The following TYW1 variants were observed in gnomAD, a reference collection of about 807,000 sequenced individuals.
TYW1 encodes tRNA-yW synthesizing protein 1 homolog.
Under a neutral mutation model 96.2 loss-of-function variants are expected in TYW1, and 46 were observed. That is an observed-to-expected ratio of 0.48 (90% CI 0.38 to 0.61). The LOEUF is 0.61. Among genes scored for constraint, TYW1 ranks in the 20% least tolerant of loss-of-function variants. TYW1 has a pLI of 0.00. For synonymous variants in TYW1, 274 were observed against 323.0 expected, an observed-to-expected ratio of 0.85 and a Z score of 1.63; for missense variants, 684 against 909.6, an observed-to-expected ratio of 0.75 and a Z score of 3.19.
intron 15 of TYW1, among the ~76,000 whole-genome samples, chr7:67,229,953 A>AAAAC (rs756238498): frequency 3.4e-5 from 5 of 144,944 alleles, no homozygotes; most frequent in Non-Finnish European, 6.2e-5. Context: ...CCCTGTCTCT[A>AAAAC]AAACAAAACA....
intron 7 of TYW1, among the ~76,000 whole-genome samples, chr7:67,035,940 G>A (rs1454021561): frequency 1.3e-5 from 2 of 151,036 alleles, no homozygotes; most frequent in East Asian, 1.9e-4. Context: ...GCCTCCCAAA[G>A]TGCTGGGATT....
intron 13 of TYW1, among the ~76,000 whole-genome samples, chr7:67,143,561 G>C (rs566850340): frequency 6.6e-6 from 1 of 152,330 alleles, no homozygotes; most frequent in Non-Finnish European, 1.5e-5. Flanking sequence ...GAAGCAGGCA[G>C]AGTTTGGCGA....
At chr7:67,134,435 A>G (rs199807896) in intron 13 of TYW1, among the ~76,000 whole-genome samples, 2 of 151,828 alleles carry the variant, frequency 1.3e-5, no homozygotes, top group African/African-American at 4.8e-5. Flanking sequence ...TCAGCTACTC[A>G]GGAGGCTGAG....
At chr7:67,186,139 AT>A (rs1255233205) in intron 14 of TYW1, among the ~76,000 whole-genome samples, 2 of 145,266 alleles carry the variant, frequency 1.4e-5, no homozygotes. Context: ...AACATCAGAG[AT>A]TAGTGGTGTT....
At chr7:67,018,977 A>AAAAAAAAAAAC (rs1562968206) in intron 6 of TYW1, among the ~76,000 whole-genome samples, 2 of 100,482 alleles carry the variant, frequency 2.0e-5, no homozygotes, top group Non-Finnish European at 2.2e-5. Flanking sequence ...AAAAAAAGAA[A>AAAAAAAAAAAC]AAAACAAAAT....
intron 15 of TYW1, among the ~76,000 whole-genome samples, chr7:67,206,138 G>T (rs1584694445): frequency 1.3e-5 from 2 of 152,266 alleles, no homozygotes; most frequent in South Asian, 2.1e-4. Flanking sequence ...TTTGATATTG[G>T]TAGATTATTT....
At chr7:67,146,654 C>T (rs906462243) in intron 13 of TYW1, among the ~76,000 whole-genome samples, 9 of 152,268 alleles carry the variant, frequency 5.9e-5, no homozygotes, top group South Asian at 4.1e-4. Flanking sequence ...TATTGTATAA[C>T]AATATTCAGA....
intron 15 of TYW1, among the ~76,000 whole-genome samples, chr7:67,206,802 A>G (rs1484970578): frequency 6.6e-6 from 1 of 152,126 alleles, no homozygotes; most frequent in Non-Finnish European, 1.5e-5. Context: ...ACTACTCAAC[A>G]TCTTCCTTGT....
At chr7:67,152,389 T>G (rs1040756305) in intron 13 of TYW1, among the ~76,000 whole-genome samples, 4 of 152,174 alleles carry the variant, frequency 2.6e-5, no homozygotes, top group East Asian at 1.9e-4. Context: ...ACCATCAGTT[T>G]CCTCTTGAAA....
chr7:67,168,400 A>G (rs921593617), intron 13 of TYW1, among the ~76,000 whole-genome samples: 2 of 152,146 alleles, frequency 1.3e-5, no homozygotes, highest in Non-Finnish European at 2.9e-5. Flanking sequence ...AAGTTTTAAT[A>G]TCAGTATTAT....
At chr7:67,142,895 C>T (rs1445755613) in intron 13 of TYW1, among the ~76,000 whole-genome samples, 1 of 151,738 alleles carries the variant, frequency 6.6e-6, no homozygotes, top group Non-Finnish European at 1.5e-5. Context: ...CTACTAAAAA[C>T]ACAAAAAATT....
At chr7:67,202,868 G>A (rs1158166049) in intron 15 of TYW1, among the ~76,000 whole-genome samples, 1 of 152,112 alleles carries the variant, frequency 6.6e-6, no homozygotes, top group Non-Finnish European at 1.5e-5. Context: ...CTGCAAAATG[G>A]TACAGAAAGG....
intron 7 of TYW1, among the ~76,000 whole-genome samples, chr7:67,036,839 C>T (rs1461653193): frequency 6.6e-6 from 1 of 152,232 alleles, no homozygotes; most frequent in Non-Finnish European, 1.5e-5. Flanking sequence ...TGTACAGGGT[C>T]TGGCAGCCAA....
rs1375789813 is a variant in TYW1 at position 67,025,041 on chromosome 7, A to G, written c.984+19A>G. On this transcript the variant is annotated intron_variant, in intron 7 of 15. Coordinates refer to ENST00000359626, the MANE Select transcript of TYW1 (RefSeq NM_018264.4). ...AGAAAAGGTACCGTTACTTTGGGAA[A>G]TGTTGCACTTGGCTCCCGCAGTTGG... 1.2e-6 allele frequency: 2 copies of G among 1,613,296 alleles called. No individual in the cohort carries two copies. Among genetic ancestry groups the G allele is most frequent in the Non-Finnish European group, 1.7e-6 (2 of 1,179,574 alleles).
intron 9 of TYW1, among the ~76,000 whole-genome samples, chr7:67,061,918 A>T (rs1795708168): frequency 6.6e-6 from 1 of 152,174 alleles, no homozygotes. Context: ...CAAACACATC[A>T]TCGTCATTAA....
At chr7:67,127,140 T>G (rs1797934138) in intron 13 of TYW1, among the ~76,000 whole-genome samples, 1 of 151,940 alleles carries the variant, frequency 6.6e-6, no homozygotes, top group African/African-American at 2.4e-5. Context: ...GGACAAGTAT[T>G]TTATGATAAT....
chr7:67,148,394 A>C (rs1798675368), intron 13 of TYW1, among the ~76,000 whole-genome samples: 1 of 150,236 alleles, frequency 6.7e-6, no homozygotes, highest in African/African-American at 2.4e-5. Flanking sequence ...AGTTGGAACT[A>C]AGGTCACTTA....
At chr7:67,198,545 C>T (rs955562689) in intron 15 of TYW1, among the ~76,000 whole-genome samples, 3 of 128,338 alleles carry the variant, frequency 2.3e-5, no homozygotes, top group African/African-American at 3.2e-5. Flanking sequence ...GGTGAGACTC[C>T]ATCTCAAAAA....
chr7:67,071,630 C>CT (rs1214224509), intron 10 of TYW1, among the ~76,000 whole-genome samples: 1 of 139,656 alleles, frequency 7.2e-6, no homozygotes, highest in East Asian at 2.0e-4. Flanking sequence ...TTTTTTTTTT[C>CT]TTTTTTTTGA....
Sources: allele counts gnomAD v4.1 joint callset (sites outside exome capture counted in the v4.1 genomes callset), GRCh38; gene constraint gnomAD v4.1.1; transcripts MANE v1.5; gene names NCBI Gene and HGNC (gene_info 2026-07-23, HGNC 2026-07-21).